The following CFAP299 variants were observed in gnomAD, a reference collection of about 807,000 sequenced individuals.
CFAP299 encodes the protein cilia- and flagella-associated protein 299.
Under a neutral mutation model 27.0 loss-of-function variants are expected in CFAP299, and 21 were observed. The ratio of observed to expected loss-of-function variants is 0.78; its 90% CI spans 0.55 to 1.12. CFAP299 has a LOEUF of 1.12. CFAP299 is among the 50% of genes most tolerant of loss of function. The pLI is 0.00. For missense variants in CFAP299, 310 were observed against 276.6 expected, an observed-to-expected ratio of 1.12 and a Z score of -0.86; for synonymous variants, 104 against 98.1, an observed-to-expected ratio of 1.06 and a Z score of -0.36.
At chr4:80,728,329 T>C (rs1221216277) in intron 3 of CFAP299, among the ~76,000 whole-genome samples, 1 of 152,102 alleles carries the variant, frequency 6.6e-6, no homozygotes, top group Non-Finnish European at 1.5e-5. Context: ...GACAAAGAAA[T>C]AATACACTAA....
At chr4:80,776,887 A>G (rs1726575109) in intron 3 of CFAP299, among the ~76,000 whole-genome samples, 1 of 151,904 alleles carries the variant, frequency 6.6e-6, no homozygotes, top group Non-Finnish European at 1.5e-5. Flanking sequence ...AAAAAAAAAA[A>G]ACCCTCTGGG....
intron 3 of CFAP299, among the ~76,000 whole-genome samples, chr4:80,704,878 T>C (rs537635362): frequency 6.6e-6 from 1 of 151,950 alleles, no homozygotes; most frequent in South Asian, 2.1e-4. Context: ...AATTTAGAAC[T>C]GGGCCTCCAG....
intron 4 of CFAP299, among the ~76,000 whole-genome samples, chr4:80,912,933 A>G (rs1348951241): frequency 6.6e-6 from 1 of 152,106 alleles, no homozygotes; most frequent in African/African-American, 2.4e-5. Context: ...CAACACTCTA[A>G]AGAGAAGAAA....
chr4:80,631,871 C>CAA lies in CFAP299; in HGVS notation c.333+48688_333+48689insAA, dbSNP rs926145731. 1.7e-4 allele frequency among the ~76,000 whole-genome samples: 21 copies of CAA among 120,696 alleles called. 2 individuals are homozygous for CAA. The highest frequency in any genetic ancestry group is 3.3e-4 in the Non-Finnish European group (18 of 54,152). 79.2% of individuals were successfully genotyped at this position (120,696 alleles called of 152,430 possible). On this transcript the variant is annotated intron_variant, in intron 3 of 5. Transcript: ENST00000358105. ...TCTGAATATTTGTGCCCCACCCCCC[C>CAA]CCAACCAAATTCATATGTTAACATT... is the stretch of plus-strand genomic sequence containing the variant.
chr4:80,791,065 TA>T (rs1284036056), intron 3 of CFAP299, among the ~76,000 whole-genome samples: 1 of 151,922 alleles, frequency 6.6e-6, no homozygotes, highest in Non-Finnish European at 1.5e-5. Flanking sequence ...CAAAGCAAAA[TA>T]ACCTTATAAG....
chr4:80,880,528 G>A (rs1733641009), intron 4 of CFAP299, among the ~76,000 whole-genome samples: 1 of 151,980 alleles, frequency 6.6e-6, no homozygotes, highest in African/African-American at 2.4e-5. Context: ...TCAGGAATTT[G>A]AGACCAGCCT....
At chr4:80,874,567 C>T (rs745967056) in intron 4 of CFAP299, among the ~76,000 whole-genome samples, 1 of 152,046 alleles carries the variant, frequency 6.6e-6, no homozygotes, top group Non-Finnish European at 1.5e-5. Flanking sequence ...GCAGAATTGC[C>T]ATTTGGTGAG....
chr4:80,820,007 C>A (rs1729618937), intron 3 of CFAP299, among the ~76,000 whole-genome samples: 1 of 152,028 alleles, frequency 6.6e-6, no homozygotes, highest in African/African-American at 2.4e-5. Flanking sequence ...TCCAGAGAGT[C>A]TGAAAAGTGA....
At chr4:80,551,188 G>A (rs968006853) in intron 2 of CFAP299, among the ~76,000 whole-genome samples, 2 of 152,104 alleles carry the variant, frequency 1.3e-5, no homozygotes, top group Non-Finnish European at 2.9e-5. Context: ...TATAGTAAGT[G>A]TAGCTTTGAC....
intron 3 of CFAP299, among the ~76,000 whole-genome samples, chr4:80,858,242 T>A (rs952309849): frequency 2.0e-5 from 3 of 152,142 alleles, no homozygotes; most frequent in African/African-American, 4.8e-5. Context: ...TTCTGTGGGA[T>A]CGGTGGTGAT....
At chr4:80,887,906 C>G (rs1189686996) in intron 4 of CFAP299, among the ~76,000 whole-genome samples, 3 of 151,894 alleles carry the variant, frequency 2.0e-5, no homozygotes, top group African/African-American at 4.8e-5. Context: ...TTGTCATCAG[C>G]TTAAAATAAT....
rs578260427 is a variant in CFAP299, at chr4:80,601,506, A to G, written c.333+18323A>G. ...TTGAGAGAAAATTCTAAAATCAGATAGAATGAAAAAATAATATTAACTCTT... is the reference window on the plus strand; with the variant it reads ...TTGAGAGAAAATTCTAAAATCAGATGGAATGAAAAAATAATATTAACTCTT... On this transcript the variant is annotated intron_variant, in intron 3 of 5. Transcript: ENST00000358105. 5.8e-4 allele frequency among the ~76,000 whole-genome samples: 89 copies of G among 152,360 alleles called. 1 individual carries two copies. The highest frequency in any genetic ancestry group is 2.0e-3 in the African/African-American group (82 of 41,588).
At chr4:80,444,535 G>A (rs1397791225) in intron 2 of CFAP299, among the ~76,000 whole-genome samples, 1 of 152,082 alleles carries the variant, frequency 6.6e-6, no homozygotes, top group African/African-American at 2.4e-5. Context: ...AATATAAGAT[G>A]GATTAAAGAC....
intron 3 of CFAP299, among the ~76,000 whole-genome samples, chr4:80,661,423 A>G (rs557304846): frequency 8.5e-5 from 13 of 152,188 alleles, no homozygotes; most frequent in East Asian, 3.9e-4. Context: ...TGAAGATTTC[A>G]TAGACATTTA....
chr4:80,546,760 AT>A (rs1332121958), intron 2 of CFAP299, among the ~76,000 whole-genome samples: 1 of 152,088 alleles, frequency 6.6e-6, no homozygotes, highest in East Asian at 1.9e-4. Context: ...GCCTTACACC[AT>A]GAGTAAAAGT....
intron 3 of CFAP299, among the ~76,000 whole-genome samples, chr4:80,638,246 C>T (rs2109955615): frequency 6.6e-6 from 1 of 152,244 alleles, no homozygotes; most frequent in Non-Finnish European, 1.5e-5. Flanking sequence ...ACTTGGAGAA[C>T]TTTTATTCAG....
intron 2 of CFAP299, among the ~76,000 whole-genome samples, chr4:80,377,607 A>C (rs1724483003): frequency 6.6e-6 from 1 of 152,004 alleles, no homozygotes. Flanking sequence ...GTTTAGAATC[A>C]CCTAAATTTG....
intron 3 of CFAP299, among the ~76,000 whole-genome samples, chr4:80,815,046 T>A (rs1374440896): frequency 6.6e-6 from 1 of 151,970 alleles, no homozygotes; most frequent in African/African-American, 2.4e-5. Context: ...TGTCAAACAT[T>A]TGGTGAAAAC....
intron 2 of CFAP299, among the ~76,000 whole-genome samples, chr4:80,565,089 A>G (rs935823308): frequency 6.6e-6 from 1 of 152,048 alleles, no homozygotes; most frequent in Admixed American, 6.6e-5. Flanking sequence ...AATATTGAAC[A>G]CAATAAAATG....
Sources: gnomAD v4.1 joint callset for allele counts (sites outside exome capture counted in the v4.1 genomes callset) on GRCh38, gnomAD v4.1.1 for gene constraint, MANE v1.5 for transcripts, NCBI Gene and HGNC (gene_info 2026-07-23, HGNC 2026-07-21) for gene names.